SLC9A2: variants seen among roughly 807,000 people sequenced by gnomAD.
The protein encoded by SLC9A2 is sodium/hydrogen exchanger 2.
A neutral mutation model predicts 71.7 loss-of-function variants in SLC9A2; 42 were observed. The ratio of observed to expected loss-of-function variants is 0.59; its 90% confidence interval spans 0.46 to 0.76. SLC9A2 has a LOEUF of 0.76. Ranked by LOEUF, SLC9A2 falls within the 30% of genes least tolerant of loss-of-function variation. The pLI, the probability that SLC9A2 is intolerant of heterozygous loss-of-function variation, is 0.00. For synonymous variants in SLC9A2, 396 were observed against 392.5 expected (o/e 1.01, Z -0.10); for missense variants, 829 against 1,017.4 (o/e 0.81, Z 2.52).
Position 102,620,009 on chromosome 2 carries a change from G to C in SLC9A2, c.161G>C (p.Ser54Thr), listed in dbSNP as rs1676104450. Residue 54 changes from serine to threonine, a missense_variant, in exon 1 of 12, where the codon AGC becomes ACC. Around this residue, in one of 3 missense-constraint regions of SLC9A2, gnomAD observed 106 missense variants for 93.5 expected, o/e 1.13. Transcript: ENST00000233969. The stretch of plus-strand genomic sequence containing the variant: ...AGTTCCAGCCCGCCTAGCCCTGCGA[G>C]CGTGGTGGCTCCCGGAACGACGCTG... ...GTSSSPPSPASVVAPGTTLFE... is the reference protein window; with the variant it reads ...GTSSSPPSPATVVAPGTTLFE... 2 of 1,614,118 alleles carry C rather than the reference G, an allele frequency of 1.2e-6. No individual in the cohort carries two copies. The highest frequency in any genetic ancestry group is 1.7e-6 in the Non-Finnish European group (2 of 1,180,008).
chr2:102,657,189 G>T (rs190177574), intron 1 of SLC9A2, among the ~76,000 whole-genome samples: 1 of 150,050 alleles, frequency 6.7e-6, no homozygotes, highest in African/African-American at 2.5e-5. Context: ...CCAGGTGACA[G>T]AGCAAGACTC....
chr2:102,647,244 A>G (rs1244098162), intron 1 of SLC9A2, among the ~76,000 whole-genome samples: 2 of 152,172 alleles, frequency 1.3e-5, no homozygotes, highest in Non-Finnish European at 2.9e-5. Context: ...TTGCTCCCGG[A>G]TGACTACTGG....
At chr2:102,661,227 A>G (rs1461944817) in intron 2 of SLC9A2, among the ~76,000 whole-genome samples, 1 of 152,250 alleles carries the variant, frequency 6.6e-6, no homozygotes, top group Non-Finnish European at 1.5e-5. Flanking sequence ...GAACATGTTA[A>G]TGCAGCCACT....
chr2:102,655,682 C>T (rs1676926050), intron 1 of SLC9A2, among the ~76,000 whole-genome samples: 1 of 152,296 alleles, frequency 6.6e-6, no homozygotes, highest in South Asian at 2.1e-4. Context: ...TGGTACATGA[C>T]TGTATTATCT....
At position 102,657,567 on chromosome 2, in the gene SLC9A2, T is replaced by A. The variant is rs1676967692; in HGVS notation, c.293T>A (p.Phe98Tyr). The A allele has an allele frequency of 1.3e-6, 2 of 1,593,674 alleles. No individual in the cohort carries two copies. The highest frequency in any genetic ancestry group is 1.7e-6 in the Non-Finnish European group (2 of 1,169,884). Reference sequence around the variant, plus strand: ...GTTTTTATTTTTTCCTTACCAGGCTTCCATCTGTATCACAAGTTGCCCACA... The same window carrying A: ...GTTTTTATTTTTTCCTTACCAGGCTACCATCTGTATCACAAGTTGCCCACA... The part of the protein sequence containing the change: ...ILLASLAKIG[F>Y]HLYHKLPTIV... Residue 98 changes from phenylalanine to tyrosine, a missense_variant, in exon 2 of 12, where the codon TTC becomes TAC. Coordinates refer to ENST00000233969, the MANE Select transcript of SLC9A2 (RefSeq NM_003048.6).
At chr2:102,645,597 G>A (rs1023258647) in intron 1 of SLC9A2, among the ~76,000 whole-genome samples, 2 of 130,908 alleles carry the variant, frequency 1.5e-5, no homozygotes, top group African/African-American at 5.0e-5. Flanking sequence ...CCAGTTTAAA[G>A]AAGAACATAA....
chr2:102,680,914 AG>A lies in SLC9A2; in HGVS notation c.1005-2341del, dbSNP rs542055925. On this transcript the variant is annotated intron_variant, in intron 3 of 11. Coordinates refer to ENST00000233969, the MANE Select transcript of SLC9A2 (RefSeq NM_003048.6). ...GGACGTGGCACGAGCCAAGGAATGC[AG>A]GGGGGCCTCTAGAAACTAGAGAAGG... Among the ~76,000 whole-genome samples, 682 of 149,432 alleles carry A rather than the reference AG, an allele frequency of 4.6e-3. 5 individuals are homozygous for A. The highest frequency in any genetic ancestry group is 0.017 in the African/African-American group (646 of 39,046).
Position 102,619,675 on chromosome 2 carries a change from C to A in SLC9A2, c.-174C>A. On this transcript the variant is annotated 5_prime_UTR_variant, in exon 1 of 12. Coordinates refer to ENST00000233969, the MANE Select transcript of SLC9A2 (RefSeq NM_003048.6). The surrounding 1 kb of genome is among the most constrained non-coding windows in gnomAD (Gnocchi z 4.3). The stretch of plus-strand genomic sequence containing the variant: ...CCTCGCCAGGCAGTGCGCCTGCTCG[C>A]AGCGAGGACCTAGCCCTCTGGTTGC... 1 of 503,416 alleles carries A rather than the reference C, an allele frequency of 2.0e-6. No individual in the cohort carries two copies. Among genetic ancestry groups the A allele is most frequent in the Non-Finnish European group, 3.3e-6 (1 of 301,724 alleles). The allele number at this position is 503,416 out of a possible 1,614,324, so 31.2% of individuals were successfully genotyped here.
intron 5 of SLC9A2, among the ~76,000 whole-genome samples, chr2:102,684,714 T>A (rs1013159334): frequency 1.3e-5 from 2 of 152,188 alleles, no homozygotes; most frequent in Non-Finnish European, 2.9e-5. Flanking sequence ...TCGCGGTGAC[T>A]CCCCTAAATG....
chr2:102,647,254 G>C (rs1024750302), intron 1 of SLC9A2, among the ~76,000 whole-genome samples: 1 of 151,832 alleles, frequency 6.6e-6, no homozygotes, highest in Non-Finnish European at 1.5e-5. Context: ...ATGACTACTG[G>C]GTAAATAAAT....
chr2:102,678,387 A>T (rs1201589690), intron 3 of SLC9A2, among the ~76,000 whole-genome samples: 4 of 152,162 alleles, frequency 2.6e-5, no homozygotes, highest in African/African-American at 9.7e-5. Context: ...GGATAATTCA[A>T]TGACATGAGC....
chr2:102,653,821 C>T (rs895583410), intron 1 of SLC9A2, among the ~76,000 whole-genome samples: 1 of 152,200 alleles, frequency 6.6e-6, no homozygotes, highest in Non-Finnish European at 1.5e-5. Context: ...GGCTTCTGTG[C>T]ATTTCTTTAA....
At chr2:102,654,494 AT>A (rs1467528442) in intron 1 of SLC9A2, among the ~76,000 whole-genome samples, 2 of 152,146 alleles carry the variant, frequency 1.3e-5, no homozygotes, top group Non-Finnish European at 2.9e-5. Context: ...TCACTTTATT[AT>A]TTAACAGTTC....
At chr2:102,651,556 T>A (rs999647176) in intron 1 of SLC9A2, among the ~76,000 whole-genome samples, 7 of 152,224 alleles carry the variant, frequency 4.6e-5, no homozygotes, top group Non-Finnish European at 1.0e-4. Context: ...CAATGAGGCT[T>A]CCCTGAGCAC....
intron 11 of SLC9A2, among the ~76,000 whole-genome samples, chr2:102,707,012 T>C (rs890351804): frequency 6.6e-6 from 1 of 152,132 alleles, no homozygotes; most frequent in African/African-American, 2.4e-5. Context: ...CCAAATACCA[T>C]ATATTTTCAC....
At chr2:102,683,225 G>A (rs374574265) in intron 3 of SLC9A2, 36 bp from the exon 4 acceptor site, 1 of 1,456,060 alleles carries the variant, frequency 6.9e-7, no homozygotes, top group South Asian at 1.2e-5. Flanking sequence ...TAAGATCATT[G>A]TTAGGTTTCA....
intron 5 of SLC9A2, 52 bp downstream of exon 5, chr2:102,684,388 T>C (rs1677509960): frequency 6.6e-7 from 1 of 1,507,356 alleles, no homozygotes; most frequent in Non-Finnish European, 9.2e-7. Flanking sequence ...GTTCAGAATA[T>C]TGGATTCTGT....
chr2:102,627,587 T>C (rs1300701393), intron 1 of SLC9A2, among the ~76,000 whole-genome samples: 1 of 152,172 alleles, frequency 6.6e-6, no homozygotes, highest in East Asian at 1.9e-4. Context: ...ATTTATGTTC[T>C]CCTTTCTGTT....
intron 7 of SLC9A2, among the ~76,000 whole-genome samples, chr2:102,700,755 A>G (rs1220102096): frequency 6.6e-6 from 1 of 152,178 alleles, no homozygotes; most frequent in Non-Finnish European, 1.5e-5. Flanking sequence ...TGAATACTAG[A>G]TTTATGTGCA....
Sources: gnomAD v4.1 joint callset for allele counts (sites outside exome capture counted in the v4.1 genomes callset) on GRCh38, gnomAD v4.1.1 for gene constraint, gnomAD v4.1.1 regional missense constraint, Gnocchi (gnomAD v3.1) non-coding constraint, MANE v1.5 for transcripts, NCBI Gene and HGNC (gene_info 2026-07-23, HGNC 2026-07-21) for gene names.